FAM227B: variants seen among roughly 807,000 people sequenced by gnomAD.
FAM227B encodes the protein protein FAM227B.
In FAM227B, 88 loss-of-function variants were observed where a neutral mutation model predicts 73.8. The ratio of observed to expected loss-of-function variants is 1.19; its 90% CI spans 1.00 to 1.42. FAM227B has a LOEUF of 1.42. FAM227B is among the 40% of genes most tolerant of loss of function. The pLI is 0.00. For missense variants in FAM227B, 632 were observed against 590.9 expected (o/e 1.07, Z -0.72); for synonymous variants, 210 against 190.5 (o/e 1.10, Z -0.84).
intron 11 of FAM227B, among the ~76,000 whole-genome samples, chr15:49,420,954 C>A (rs2049577838): frequency 6.6e-6 from 1 of 152,156 alleles, no homozygotes; most frequent in African/African-American, 2.4e-5. Flanking sequence ...GATCCATCCG[C>A]CTCGGCCTCC....
At chr15:49,420,529 T>C (rs2049536117) in intron 11 of FAM227B, among the ~76,000 whole-genome samples, 1 of 152,128 alleles carries the variant, frequency 6.6e-6, no homozygotes, top group Non-Finnish European at 1.5e-5. Flanking sequence ...TGTACAAGCA[T>C]AGCGAAACTC....
intron 10 of FAM227B, 149 bp downstream of exon 10, chr15:49,541,531 T>C (rs1532955): frequency 0.29 from 174,913 of 610,642 alleles, 27,291 homozygotes; most frequent in African/African-American, 0.46. Flanking sequence ...AGAAAATAAA[T>C]AACATTTATT....
rs769008771 is a variant in FAM227B, at chr15:49,508,250, T to A, written c.973A>T (p.Lys325Ter). ...GSKKAPAKSVKERIADSQEHI... is the reference protein window; with the variant it reads ...GSKKAPAKSV Reference sequence around the variant, plus strand: ...TCTTGACTGTCTGCAATTCTTTCCTTTACTGATTTTGCAGGTGCTTTTTTG... The same window carrying A: ...TCTTGACTGTCTGCAATTCTTTCCTATACTGATTTTGCAGGTGCTTTTTTG... Residue 325 changes from lysine (K) to a stop codon, truncating the protein, a stop_gained, in exon 11 of 16, where the codon AAG becomes TAG. Coordinates refer to ENST00000299338, the MANE Select transcript of FAM227B (RefSeq NM_152647.3). LOFTEE classifies it high-confidence loss of function. The A allele has an allele frequency of 7.4e-6, 12 of 1,611,234 alleles. No individual in the cohort carries two copies. The highest frequency in any genetic ancestry group is 1.0e-5 in the Non-Finnish European group (12 of 1,178,738).
chr15:49,331,663 C>A, intron 15 of FAM227B, 117 bp downstream of exon 15: 2 of 658,934 alleles, frequency 3.0e-6, no homozygotes, highest in East Asian at 5.4e-5. Flanking sequence ...AAGAATGTAT[C>A]CTCTCCTGCC....
chr15:49,594,514 G>A (rs1225596069), intron 3 of FAM227B, among the ~76,000 whole-genome samples: 1 of 152,128 alleles, frequency 6.6e-6, no homozygotes, highest in African/African-American at 2.4e-5. Flanking sequence ...CCAATGTCTA[G>A]AAGGGTTTTT....
chr15:49,366,837 A>G (rs1012404926), intron 13 of FAM227B, among the ~76,000 whole-genome samples: 1 of 152,028 alleles, frequency 6.6e-6, no homozygotes, highest in Non-Finnish European at 1.5e-5. Context: ...CCCACACTCT[A>G]ATTTAGTGGC....
chr15:49,540,592 T>C (rs941800608), intron 10 of FAM227B, among the ~76,000 whole-genome samples: 3 of 152,176 alleles, frequency 2.0e-5, no homozygotes, highest in African/African-American at 7.2e-5. Flanking sequence ...AGGACACCAA[T>C]CATATTGGAT....
chr15:49,358,430 T>G (rs1049124482), intron 13 of FAM227B, among the ~76,000 whole-genome samples: 8 of 134,016 alleles, frequency 6.0e-5, no homozygotes, highest in Non-Finnish European at 1.3e-4. Context: ...ACAAGCATTC[T>G]TATACACCAA....
chr15:49,571,485 G>A (rs2075100405), intron 8 of FAM227B, among the ~76,000 whole-genome samples: 1 of 151,842 alleles, frequency 6.6e-6, no homozygotes, highest in Non-Finnish European at 1.5e-5. Context: ...TACAGTTTCA[G>A]ATCTGATATT....
intron 11 of FAM227B, among the ~76,000 whole-genome samples, chr15:49,434,211 A>T (rs1336756038): frequency 6.6e-6 from 1 of 151,680 alleles, no homozygotes; most frequent in Non-Finnish European, 1.5e-5. Flanking sequence ...TAGGAAGGTC[A>T]CTTGTAGGTG....
Position 49,402,767 on chromosome 15 carries a change from CTCTT to C in FAM227B, c.1013-31372_1013-31369del, listed in dbSNP as rs543569877. Among the ~76,000 whole-genome samples, 484 of 151,842 alleles carry C rather than the reference CTCTT, an allele frequency of 3.2e-3. 5 individuals carry two copies. The highest frequency in any genetic ancestry group is 0.011 in the South Asian group (51 of 4,814). On this transcript the variant is annotated intron_variant, in intron 11 of 15. Coordinates refer to ENST00000299338, the MANE Select transcript of FAM227B (RefSeq NM_152647.3). ...GACTTCCTCTCTTCCTATTCGAATA[CTCTT>C]TCTTTCTCTTGCCTGATTGCCCTGG... is the stretch of plus-strand genomic sequence containing the variant.
At chr15:49,364,523 TTAATA>T (rs1406146753) in intron 13 of FAM227B, among the ~76,000 whole-genome samples, 3 of 152,128 alleles carry the variant, frequency 2.0e-5, no homozygotes, top group Non-Finnish European at 2.9e-5. Context: ...AAAAATGTTC[TTAATA>T]TAATACACAT....
At chr15:49,542,930 T>C (rs1376482006) in intron 9 of FAM227B, among the ~76,000 whole-genome samples, 3 of 151,976 alleles carry the variant, frequency 2.0e-5, no homozygotes, top group Non-Finnish European at 4.4e-5. Context: ...TAGGCTGGTT[T>C]CATATTTTTG....
intron 10 of FAM227B, among the ~76,000 whole-genome samples, chr15:49,534,650 C>T (rs1326127144): frequency 6.6e-6 from 1 of 151,784 alleles, no homozygotes; most frequent in Non-Finnish European, 1.5e-5. Flanking sequence ...GTAGATCACA[C>T]ATTTCTGTCT....
chr15:49,577,638 C>T lies in FAM227B; in HGVS notation c.432G>A (p.Lys144=). ...CAGAAATTTTAAGTACCTCTATATT[C>T]TTCTCTGTCTCCATTTCATCTGAAA... ...IMLSDEMETE[K]NIEGCSFTGF... Residue 144 remains lysine, a synonymous_variant, in exon 6 of 16, where the codon AAG becomes AAA. Coordinates refer to ENST00000299338, the MANE Select transcript of FAM227B (RefSeq NM_152647.3). The T allele has an allele frequency of 1.3e-6, 2 of 1,564,814 alleles. No individual in the cohort carries two copies. Among genetic ancestry groups the T allele is most frequent in the East Asian group, 4.5e-5 (2 of 44,414 alleles).
chr15:49,517,335 T>C, intron 10 of FAM227B, among the ~76,000 whole-genome samples: 1 of 152,168 alleles, frequency 6.6e-6, no homozygotes, highest in East Asian at 1.9e-4. Context: ...GAAGAATATA[T>C]GATACATTAA....
At chr15:49,549,084 C>A (rs1222996726) in intron 9 of FAM227B, among the ~76,000 whole-genome samples, 2 of 151,928 alleles carry the variant, frequency 1.3e-5, no homozygotes, top group African/African-American at 4.8e-5. Flanking sequence ...TTCTTTAAGA[C>A]ACATTGTTAG....
Position 49,410,160 on chromosome 15 carries a change from C to T in FAM227B, c.1013-38761G>A, listed in dbSNP as rs568603820. 4.6e-5 allele frequency among the ~76,000 whole-genome samples: 7 copies of T among 152,262 alleles called. No homozygotes were observed. The South Asian group carries it at 1.4e-3, about 32-fold the overall frequency. ...TTTATTTTTTGCATCCACTCTCCAG[C>T]CCTTTAGGCTTCTTCAAGTGGAAAT... On this transcript the variant is annotated intron_variant, in intron 11 of 15. Transcript: ENST00000299338.
chr15:49,561,803 A>T (rs900342196), intron 9 of FAM227B, among the ~76,000 whole-genome samples: 1 of 152,140 alleles, frequency 6.6e-6, no homozygotes, highest in Non-Finnish European at 1.5e-5. Context: ...GAATAAATGA[A>T]AATAGAGACA....
Sources: gnomAD v4.1 joint callset for allele counts (sites outside exome capture counted in the v4.1 genomes callset) on GRCh38, gnomAD v4.1.1 for gene constraint, MANE v1.5 for transcripts, NCBI Gene and HGNC (gene_info 2026-07-23, HGNC 2026-07-21) for gene names.